The following FARS2 variants were observed in gnomAD, a reference collection of about 807,000 sequenced individuals.
FARS2 encodes phenylalanyl-tRNA synthetase 2, mitochondrial.
FARS2 carries 40 observed loss-of-function variants against 46.4 expected under a neutral mutation model. The observed-to-expected ratio is 0.86, with a 90% CI of 0.67 to 1.12. The LOEUF is 1.12. FARS2 is among the 50% of genes most tolerant of loss of function. The pLI is 0.00. For synonymous variants in FARS2, 234 were observed against 214.9 expected, an observed-to-expected ratio of 1.09 and a Z score of -0.78; for missense variants, 513 against 567.9, an observed-to-expected ratio of 0.90 and a Z score of 0.98.
intron 1 of FARS2, among the ~76,000 whole-genome samples, chr6:5,333,598 G>A (rs866083064): frequency 1.4e-4 from 21 of 152,248 alleles, no homozygotes; most frequent in East Asian, 1.2e-3. Flanking sequence ...CTACCTTGCC[G>A]GACACTGAGG....
intron 4 of FARS2, among the ~76,000 whole-genome samples, chr6:5,521,416 T>C (rs1769127044): frequency 6.6e-6 from 1 of 151,440 alleles, no homozygotes; most frequent in Non-Finnish European, 1.5e-5. Context: ...GCTGCTGGAC[T>C]GTGAATGTAT....
At chr6:5,451,038 T>A (rs1468559094) in intron 4 of FARS2, among the ~76,000 whole-genome samples, 4 of 152,206 alleles carry the variant, frequency 2.6e-5, no homozygotes, top group Non-Finnish European at 5.9e-5. Context: ...GGAGGTGCTG[T>A]AAACACTTCA....
At chr6:5,364,313 G>A (rs1219851240) in intron 1 of FARS2, among the ~76,000 whole-genome samples, 2 of 152,114 alleles carry the variant, frequency 1.3e-5, no homozygotes, top group Non-Finnish European at 2.9e-5. Flanking sequence ...ACGTTTCTAA[G>A]GATGATACAT....
chr6:5,516,063 G>A (rs1331774904), intron 4 of FARS2, among the ~76,000 whole-genome samples: 1 of 152,084 alleles, frequency 6.6e-6, no homozygotes, highest in African/African-American at 2.4e-5. Context: ...CAAATGCTCC[G>A]AGTCTGCAGT....
At chr6:5,623,142 G>C (rs1775858175) in intron 6 of FARS2, among the ~76,000 whole-genome samples, 1 of 152,228 alleles carries the variant, frequency 6.6e-6, no homozygotes, top group African/African-American at 2.4e-5. Flanking sequence ...AGGAAAACTA[G>C]ATGACACTAT....
At chr6:5,550,297 G>A (rs796958707) in intron 5 of FARS2, among the ~76,000 whole-genome samples, 21 of 152,062 alleles carry the variant, frequency 1.4e-4, no homozygotes, top group African/African-American at 5.1e-4. Context: ...TTATTTATGA[G>A]GCCAGGTCTT....
intron 6 of FARS2, among the ~76,000 whole-genome samples, chr6:5,722,379 G>T (rs2096005570): frequency 6.6e-6 from 1 of 152,202 alleles, no homozygotes; most frequent in Non-Finnish European, 1.5e-5. Context: ...CGTTTTTCTT[G>T]TAAAGGGGGA....
intron 6 of FARS2, among the ~76,000 whole-genome samples, chr6:5,641,672 A>G (rs557673385): frequency 7.0e-4 from 106 of 152,334 alleles, no homozygotes; most frequent in African/African-American, 2.4e-3. Context: ...GAAACTCAGG[A>G]TTGATGTCAG....
chr6:5,760,091 T>C (rs917592933), intron 6 of FARS2, among the ~76,000 whole-genome samples: 1 of 152,192 alleles, frequency 6.6e-6, no homozygotes, highest in African/African-American at 2.4e-5. Context: ...TCAAAGGTAT[T>C]TGCAAAATAA....
At chr6:5,342,204 C>T (rs1408668913) in intron 1 of FARS2, among the ~76,000 whole-genome samples, 2 of 152,192 alleles carry the variant, frequency 1.3e-5, no homozygotes. Flanking sequence ...CCTCAAACTA[C>T]CTTTTCTAGG....
chr6:5,394,931 T>C (rs1760805881), intron 2 of FARS2, among the ~76,000 whole-genome samples: 1 of 152,208 alleles, frequency 6.6e-6, no homozygotes, highest in South Asian at 2.1e-4. Flanking sequence ...GCGTCTTTTG[T>C]AGGAGAGTAG....
chr6:5,348,927 A>T (rs1249032697), intron 1 of FARS2, among the ~76,000 whole-genome samples: 1 of 152,182 alleles, frequency 6.6e-6, no homozygotes, highest in Non-Finnish European at 1.5e-5. Flanking sequence ...AACAACAAAG[A>T]TGTCTGCTTT....
rs536650940 is a variant in FARS2, at chr6:5,528,786, C to T, written c.905-16394C>T. Among the ~76,000 whole-genome samples, 170 of 152,322 alleles carry T rather than the reference C, an allele frequency of 1.1e-3. 2 individuals carry two copies. The Middle Eastern group carries it at 0.031, about 27-fold the overall frequency. Reference sequence around the variant, plus strand: ...AGCTTGTGTTTCCCTATAAAAGCAACAGGTATGTAAGTCATGCACACTGGA... The same window carrying T: ...AGCTTGTGTTTCCCTATAAAAGCAATAGGTATGTAAGTCATGCACACTGGA... On this transcript the variant is annotated intron_variant, in intron 4 of 6. Transcript: ENST00000274680.
intron 1 of FARS2, among the ~76,000 whole-genome samples, chr6:5,350,046 C>G (rs1757474019): frequency 6.6e-6 from 1 of 152,082 alleles, no homozygotes. Flanking sequence ...TTATTCTTCC[C>G]CCACCCCTTT....
intron 2 of FARS2, among the ~76,000 whole-genome samples, chr6:5,392,359 T>A (rs952567226): frequency 1.3e-5 from 2 of 152,148 alleles, no homozygotes; most frequent in Non-Finnish European, 2.9e-5. Context: ...TATTTCAGGG[T>A]TTTGAAAACT....
At chr6:5,316,336 T>C (rs1769516246) in intron 1 of FARS2, among the ~76,000 whole-genome samples, 1 of 152,202 alleles carries the variant, frequency 6.6e-6, no homozygotes, top group Non-Finnish European at 1.5e-5. Context: ...ACATTGTAAA[T>C]GTGGAGGACT....
In FARS2 at chr6:5,284,558, A is replaced by G. The variant is rs78943665; in HGVS notation, c.-22+22898A>G. 8.9e-4 allele frequency among the ~76,000 whole-genome samples: 136 copies of G among 152,300 alleles called. 4 individuals carry two copies. In the East Asian group the frequency reaches 0.025, roughly 28 times the overall value. The stretch of plus-strand genomic sequence containing the variant: ...AACATTTTATTTGAGATTTCTGCAT[A>G]TAGATCATAAATAGTGCTTATGTTT... On this transcript the variant is annotated intron_variant, in intron 1 of 6. Transcript: ENST00000274680.
chr6:5,419,533 C>T (rs1762426475), intron 3 of FARS2, among the ~76,000 whole-genome samples: 1 of 152,116 alleles, frequency 6.6e-6, no homozygotes, highest in African/African-American at 2.4e-5. Flanking sequence ...CCGTCTCTTA[C>T]TATTCACCCT....
intron 4 of FARS2, among the ~76,000 whole-genome samples, chr6:5,433,737 A>G (rs965146195): frequency 6.6e-6 from 1 of 152,232 alleles, no homozygotes; most frequent in African/African-American, 2.4e-5. Flanking sequence ...TTCAATGACT[A>G]CTAGGCTTCC....
Sources: allele counts gnomAD v4.1 joint callset (sites outside exome capture counted in the v4.1 genomes callset), GRCh38; gene constraint gnomAD v4.1.1; transcripts MANE v1.5; gene names NCBI Gene and HGNC (gene_info 2026-07-23, HGNC 2026-07-21).